ZNF836: variants seen among roughly 807,000 people sequenced by gnomAD.
The protein encoded by ZNF836 is zinc finger protein 836.
ZNF836 carries 12 observed loss-of-function variants against 7.4 expected under a neutral mutation model. That is an observed-to-expected ratio of 1.61 (90% CI 1.03 to 2.61). The LOEUF is 2.61. ZNF836 is among the 30% of genes most tolerant of loss of function. ZNF836 has a pLI of 0.00. For missense variants in ZNF836, 998 were observed against 1,126.2 expected, an observed-to-expected ratio of 0.89 and a Z score of 1.63; for synonymous variants, 365 against 382.6, an observed-to-expected ratio of 0.95 and a Z score of 0.54.
At chr19:52,171,015 G>C (rs1033205047) in intron 1 of ZNF836, 2 of 152,370 alleles carry the variant, frequency 1.3e-5, no homozygotes, top group Non-Finnish European at 2.9e-5. Flanking sequence ...CAAGGTGGCA[G>C]GGGGTACGGT....
At chr19:52,162,849 C>T (rs1370499768) in intron 3 of ZNF836, among the ~76,000 whole-genome samples, 1 of 152,200 alleles carries the variant, frequency 6.6e-6, no homozygotes, top group East Asian at 1.9e-4. Context: ...TGCCCACATC[C>T]TGCATTCATG....
chr19:52,160,655 AAGAGG>A (rs1419596676), intron 3 of ZNF836, 64 bp from the exon 4 acceptor site: 2 of 1,522,256 alleles, frequency 1.3e-6, no homozygotes, highest in Non-Finnish European at 8.8e-7. Context: ...ATAAAATGAG[AAGAGG>A]AGAGAACTGT....
chr19:52,160,735 C>A, intron 3 of ZNF836, 144 bp from the exon 4 acceptor site: 4 of 977,190 alleles, frequency 4.1e-6, no homozygotes, highest in Admixed American at 3.2e-5. Flanking sequence ...GTTATGTGTC[C>A]CTAATTTAAG....
At position 52,155,306 on chromosome 19, in the gene ZNF836, G is replaced by A; in HGVS notation, c.2377C>T (p.Leu793=). ...GTATGAATACTCCGATGACGTGCTA[G>A]TGTTGATTGATGACGAAAGACCTTG... The part of the protein sequence containing the change: ...CGKVFRHQST[L]ARHRSIHTGE... Residue 793 remains leucine (L), a synonymous_variant, in exon 5 of 5, where the codon CTA becomes TTA. Transcript: ENST00000682614. 2 of 1,614,186 alleles carry A rather than the reference G, an allele frequency of 1.2e-6. No individual in the cohort carries two copies. Among genetic ancestry groups the A allele is most frequent in the Non-Finnish European group, 1.7e-6 (2 of 1,180,020 alleles).
intron 1 of ZNF836, among the ~76,000 whole-genome samples, chr19:52,170,193 GT>G (rs1382366522): frequency 4.0e-5 from 6 of 151,758 alleles, no homozygotes; most frequent in African/African-American, 1.5e-4. Flanking sequence ...CCCCTTTTCT[GT>G]TTTTCTCCTC....
chr19:52,159,962 C>A (rs1385338102), intron 4 of ZNF836, among the ~76,000 whole-genome samples: 3 of 152,092 alleles, frequency 2.0e-5, no homozygotes, highest in Non-Finnish European at 4.4e-5. Flanking sequence ...GGCGGGCAGA[C>A]TGCCGAGCTC....
intron 3 of ZNF836, among the ~76,000 whole-genome samples, chr19:52,167,707 C>T (rs1358129902): frequency 6.6e-6 from 1 of 152,056 alleles, no homozygotes; most frequent in Non-Finnish European, 1.5e-5. Flanking sequence ...CTTCCGTGTG[C>T]AGCTTCTCTA....
At chr19:52,160,905 G>C (rs1402987357) in intron 3 of ZNF836, among the ~76,000 whole-genome samples, 1 of 152,174 alleles carries the variant, frequency 6.6e-6, no homozygotes, top group Non-Finnish European at 1.5e-5. Context: ...GTCCAGATGA[G>C]CTAGTATACA....
chr19:52,162,771 C>T (rs1358069235), intron 3 of ZNF836, among the ~76,000 whole-genome samples: 1 of 152,220 alleles, frequency 6.6e-6, no homozygotes, highest in Non-Finnish European at 1.5e-5. Context: ...TAGATAACTT[C>T]AAGGAGCCCG....
At position 52,154,961 on chromosome 19, in the gene ZNF836, G is replaced by A; in HGVS notation, c.2722C>T (p.His908Tyr). Residue 908 changes from histidine (H) to tyrosine (Y), a missense_variant, in exon 5 of 5, where the codon CAT becomes TAT. Coordinates refer to ENST00000682614, the MANE Select transcript of ZNF836 (RefSeq NM_001102657.3). ...SFISRSGLTK[H>Y]QTKHTAESLK... is the part of the protein sequence containing the mutation. ...CTCTCTGCAGTATGTTTTGTCTGAT[G>A]TTTAGTGAGGCCTGAGCGACTAATG... 1.3e-6 allele frequency: 2 copies of A among 1,596,546 alleles called. No homozygotes were observed. The highest frequency in any genetic ancestry group is 1.1e-5 in the South Asian group (1 of 88,508).
At chr19:52,168,193 A>C in intron 2 of ZNF836, 41 bp from the exon 3 acceptor site, 2 of 1,363,000 alleles carry the variant, frequency 1.5e-6, no homozygotes, top group South Asian at 2.7e-5. Flanking sequence ...TGGAAACAAC[A>C]CATTCCTTTC....
At position 52,156,260 on chromosome 19, in the gene ZNF836, A is replaced by C. The variant is rs777520989; in HGVS notation, c.1423T>G (p.Cys475Gly). ...TGEKPYKCNE[C>G]GKVFSQTSHL... is the part of the protein sequence containing the mutation. ...GAAGTCTGACTGAAGACCTTGCCAC[A>C]TTCATTGCATTTGTAAGGTTTCTCT... The change falls in exon 5 of 5, where the codon TGT becomes GGT. Residue 475 changes from cysteine (C) to glycine (G), a missense_variant. Physicochemically the swap from Cys to Gly is radical, Grantham distance 159. Transcript: ENST00000682614. 2 of 1,614,212 alleles carry C rather than the reference A, an allele frequency of 1.2e-6. No individual in the cohort carries two copies. The highest frequency in any genetic ancestry group is 1.7e-6 in the Non-Finnish European group (2 of 1,180,032).
chr19:52,160,629 G>C (rs1049906368), intron 3 of ZNF836, 38 bp from the exon 4 acceptor site: 2 of 1,579,516 alleles, frequency 1.3e-6, no homozygotes, highest in Non-Finnish European at 8.6e-7. Flanking sequence ...AGCAATGGGA[G>C]AGCTCTTATC....
In ZNF836 at chr19:52,156,528, T is replaced by TG. The variant is rs754127395; in HGVS notation, c.1154dup (p.Tyr386IlefsTer11). The TG allele has an allele frequency of 6.2e-7, 1 of 1,613,746 alleles. No homozygotes were observed. Among genetic ancestry groups the TG allele is most frequent in the Non-Finnish European group, 8.5e-7 (1 of 1,179,918 alleles). On this transcript the variant is annotated frameshift_variant, in exon 5 of 5. Transcript: ENST00000682614. LOFTEE classifies it low-confidence loss of function (END_TRUNC). ...ACTTTCCACATATGTTGCATTTGTA[T>TG]GGTTTCTCTCCAGTGTGGATTCTCT... is the stretch of plus-strand genomic sequence containing the variant.
chr19:52,167,333 G>A (rs890023726), intron 3 of ZNF836, among the ~76,000 whole-genome samples: 7 of 151,718 alleles, frequency 4.6e-5, no homozygotes, highest in East Asian at 2.0e-4. Flanking sequence ...TCAGCCGGGC[G>A]TGGTGGCGCA....
At position 52,160,531 on chromosome 19, in the gene ZNF836, C is replaced by A; in HGVS notation, c.76G>T (p.Asp26Tyr). ...CAGTACAAAGCTTTCTGCACAGGGT[C>A]CAGGGATTTCCACTCCTCCTGAGAG... ...EFSQEEWKSL[D>Y]PVQKALYWDV... Residue 26 changes from aspartate to tyrosine, a missense_variant, in exon 4 of 5, where the codon GAC (aspartate) becomes TAC (tyrosine). Asp to Tyr is a radical substitution (Grantham distance 160, BLOSUM62 -3). Transcript: ENST00000682614. The A allele has an allele frequency of 6.2e-7, 1 of 1,614,010 alleles. No individual in the cohort carries two copies. Among genetic ancestry groups the A allele is most frequent in the Non-Finnish European group, 8.5e-7 (1 of 1,179,990 alleles).
intron 3 of ZNF836, among the ~76,000 whole-genome samples, chr19:52,166,117 G>C (rs780774090): frequency 6.6e-6 from 1 of 151,686 alleles, no homozygotes; most frequent in South Asian, 2.1e-4. Context: ...TCAGCCTCCC[G>C]AGTAGCTGGA....
chr19:52,162,007 A>G (rs8104920), intron 3 of ZNF836, among the ~76,000 whole-genome samples: 34,695 of 152,180 alleles, frequency 0.23, 4,778 homozygotes, highest in Non-Finnish European at 0.31. Context: ...CTGAAACCCA[A>G]CAGGGCATAC....
chr19:52,156,447 T>C lies in ZNF836; in HGVS notation c.1236A>G (p.Lys412=). The C allele has an allele frequency of 6.2e-7, 1 of 1,614,164 alleles. No individual in the cohort carries two copies. Among genetic ancestry groups the C allele is most frequent in the East Asian group, 2.2e-5 (1 of 44,890 alleles). ...TGCCACACTCATCACATTTGTAAGG[T>C]TTGTTTCCACTATGAACTGTCTGAT... ...ATHQTVHSGN[K]PYKCDECGKT... is the part of the protein sequence containing the mutation. Residue 412 remains lysine, a synonymous_variant, in exon 5 of 5, where the codon AAA becomes AAG. Coordinates refer to ENST00000682614, the MANE Select transcript of ZNF836 (RefSeq NM_001102657.3).
Sources: allele counts gnomAD v4.1 joint callset (sites outside exome capture counted in the v4.1 genomes callset), GRCh38; gene constraint gnomAD v4.1.1; transcripts MANE v1.5; gene names NCBI Gene and HGNC (gene_info 2026-07-23, HGNC 2026-07-21).